Variants in SLC12A7 observed in about 807,000 individuals in gnomAD.
SLC12A7 encodes the protein solute carrier family 12 member 7.
Under a neutral mutation model 120.6 loss-of-function variants are expected in SLC12A7, and 100 were observed. The ratio of observed to expected loss-of-function variants is 0.83; its 90% CI spans 0.71 to 0.98. SLC12A7 has a LOEUF of 0.98. Ranked by LOEUF, SLC12A7 falls within the 50% of genes least tolerant of loss-of-function variation. The probability of loss-of-function intolerance (pLI) is 0.00; values close to 1 mark genes in which losing one functional copy is unlikely to be tolerated. For synonymous variants in SLC12A7, 760 were observed against 678.0 expected (o/e 1.12, Z -1.88); for missense variants, 1,373 against 1,548.1 (o/e 0.89, Z 1.90).
chr5:1,111,981 T>C lies in SLC12A7; in HGVS notation c.11A>G (p.Asn4Ser), dbSNP rs952863568. The change falls in exon 1 of 24, where the codon AAC becomes AGC. Residue 4 changes from asparagine (N) to serine (S), a missense_variant. Asn to Ser is a conservative substitution (Grantham distance 46). Coordinates refer to ENST00000264930, the MANE Select transcript of SLC12A7 (RefSeq NM_006598.3). MPT[N>S]FTVVPVEAHA... ...AGCCTCCACGGGCACCACGGTGAAG[T>C]TGGTGGGCATGGCCGCCTGCAGCCG... 19 of 1,283,180 alleles carry C rather than the reference T, an allele frequency of 1.5e-5. No homozygotes were observed. The highest frequency in any genetic ancestry group is 1.7e-5 in the Non-Finnish European group (17 of 1,015,566). 79.5% of individuals were successfully genotyped at this position (1,283,180 alleles called of 1,614,324 possible). A position where few individuals can be genotyped will look rare whatever the true frequency, so the allele number is the denominator to read the frequency against.
chr5:1,075,964 G>A (rs1260201345), intron 14 of SLC12A7, 174 bp downstream of exon 14: 6 of 593,570 alleles, frequency 1.0e-5, no homozygotes, highest in Non-Finnish European at 1.5e-5. Context: ...CTCCGCAAAG[G>A]AACAGTCAAG....
Position 1,077,824 on chromosome 5 carries a change from G to A in SLC12A7, c.1629+9C>T, listed in dbSNP as rs374546941. 59 of 1,574,510 alleles carry A rather than the reference G, an allele frequency of 3.7e-5. No individual in the cohort carries two copies. Among genetic ancestry groups the A allele is most frequent in the Admixed American group, 5.5e-5 (3 of 54,498 alleles). On this transcript the variant is annotated intron_variant, in intron 12 of 23. Coordinates refer to ENST00000264930, the MANE Select transcript of SLC12A7 (RefSeq NM_006598.3). Reference sequence around the variant, plus strand: ...TCCAGGGTCCCCCCGACGAGGGTGCGGGACTCACCTGCAGGAAGGGGACGA... The same window carrying A: ...TCCAGGGTCCCCCCGACGAGGGTGCAGGACTCACCTGCAGGAAGGGGACGA...
chr5:1,122,107 C>A, the SLC12A7 span, among the ~76,000 whole-genome samples: 1 of 152,194 alleles, frequency 6.6e-6, no homozygotes, highest in Non-Finnish European at 1.5e-5. Context: ...TCCAGAGAGC[C>A]AGACCCTCCA....
Position 1,053,501 on chromosome 5 carries a change from C to T in SLC12A7, c.3027-19G>A, listed in dbSNP as rs200301497. 8.2e-5 allele frequency: 132 copies of T among 1,611,048 alleles called. No individual in the cohort carries two copies. The East Asian group carries it at 1.5e-3, about 18-fold the overall frequency. ...CTGGTCCCTGCAGGGGAGGTGGGCA[C>T]GGTCAGCGGGCGGCGGGTGCACCCC... On this transcript the variant is annotated intron_variant, in intron 22 of 23. Transcript: ENST00000264930.
chr5:1,064,900 C>CGG (rs1479550577), intron 18 of SLC12A7, among the ~76,000 whole-genome samples: 131 of 138,114 alleles, frequency 9.5e-4, no homozygotes, highest in African/African-American at 3.2e-3. Flanking sequence ...GGTGAGGGGA[C>CGG]CGCGAGGGGA....
At chr5:1,122,303 A>T in the SLC12A7 span, among the ~76,000 whole-genome samples, 1 of 152,080 alleles carries the variant, frequency 6.6e-6, no homozygotes, top group Admixed American at 6.5e-5. Flanking sequence ...GGGTGTCAGA[A>T]TCTCACCAGA....
chr5:1,110,701 C>T (rs1742933174), intron 1 of SLC12A7, among the ~76,000 whole-genome samples: 1 of 152,248 alleles, frequency 6.6e-6, no homozygotes, highest in Admixed American at 6.5e-5. Flanking sequence ...GGGGCTTGGA[C>T]TCACGGACCC....
At chr5:1,088,859 G>T in intron 4 of SLC12A7, 123 bp downstream of exon 4, 2 of 1,299,450 alleles carry the variant, frequency 1.5e-6, no homozygotes, top group Non-Finnish European at 1.1e-6. Flanking sequence ...GGGCCCTACT[G>T]TCCGGCTGCC....
Position 1,051,171 on chromosome 5 carries a change from CCTTGAAAG to C in SLC12A7, c.*1181_*1188del, listed in dbSNP as rs1734993957. ...CCAGCCGAAGTGCAAAGTGTTGGGC[CCTTGAAAG>C]CTATCTCTTCAGTGCCACCGCCGCC... is the stretch of plus-strand genomic sequence containing the variant. On this transcript the variant is annotated 3_prime_UTR_variant, in exon 24 of 24. Transcript: ENST00000264930. 5.2e-6 allele frequency: 2 copies of C among 381,410 alleles called. No individual in the cohort carries two copies. The highest frequency in any genetic ancestry group is 1.5e-4 in the South Asian group (1 of 6,856). 23.6% of individuals were successfully genotyped at this position (381,410 alleles called of 1,614,324 possible).
intron 3 of SLC12A7, 63 bp downstream of exon 3, chr5:1,093,470 T>G: frequency 1.1e-5 from 15 of 1,401,256 alleles, no homozygotes; most frequent in Non-Finnish European, 1.3e-5. Flanking sequence ...CTTGCCGGCG[T>G]GATCTAACCC....
chr5:1,074,358 C>T (rs759664905), intron 16 of SLC12A7, among the ~76,000 whole-genome samples: 69 of 152,270 alleles, frequency 4.5e-4, no homozygotes, highest in Non-Finnish European at 7.8e-4. Context: ...GCAGAGGGGC[C>T]GGCTCCCCAC....
chr5:1,130,191 G>A, the SLC12A7 span, among the ~76,000 whole-genome samples: 1 of 152,174 alleles, frequency 6.6e-6, no homozygotes, highest in Admixed American at 6.5e-5. Flanking sequence ...CTCCCGGGCA[G>A]CCCAGGACCC....
At chr5:1,142,112 G>A in the SLC12A7 span, among the ~76,000 whole-genome samples, 1 of 151,190 alleles carries the variant, frequency 6.6e-6, no homozygotes, top group African/African-American at 2.4e-5. Flanking sequence ...GCTGCACTGG[G>A]CCGCAGTCAG....
In SLC12A7 at chr5:1,075,368, T is replaced by C. The variant is rs1738212236; in HGVS notation, c.1967+3A>G. On this transcript the variant is annotated splice_donor_region_variant and intron_variant, in intron 15 of 23. Coordinates refer to ENST00000264930, the MANE Select transcript of SLC12A7 (RefSeq NM_006598.3). ...GTCTGTAAGGGGGGCTGACAGCGCT[T>C]ACCCGCGGTACTCGATGTACTTGTA... 1.9e-6 allele frequency: 3 copies of C among 1,609,382 alleles called. No individual in the cohort carries two copies. The highest frequency in any genetic ancestry group is 2.5e-6 in the Non-Finnish European group (3 of 1,177,340).
chr5:1,056,003 G>A lies in SLC12A7; in HGVS notation c.3026+1468C>T, dbSNP rs140020605. On this transcript the variant is annotated intron_variant, in intron 22 of 23. Transcript: ENST00000264930. ...GAAAACATGGCCCAGGCGGTTACTG[G>A]CGGGGGCAGGCAGGGGACAGAGACG... Among the ~76,000 whole-genome samples, 80 of 152,310 alleles carry A rather than the reference G, an allele frequency of 5.3e-4. 1 individual carries two copies. The East Asian group carries it at 0.011, about 21-fold the overall frequency.
At chr5:1,066,934 G>T in intron 17 of SLC12A7, among the ~76,000 whole-genome samples, 1 of 151,946 alleles carries the variant, frequency 6.6e-6, no homozygotes, top group Non-Finnish European at 1.5e-5. Context: ...CAGCAGCCCC[G>T]GGCCACTCAG....
At chr5:1,092,473 G>A (rs368525329) in intron 3 of SLC12A7, among the ~76,000 whole-genome samples, 10 of 152,304 alleles carry the variant, frequency 6.6e-5, no homozygotes, top group Admixed American at 6.5e-5. Flanking sequence ...GCCTCTACCT[G>A]GCACTACAAA....
At chr5:1,074,896 C>G (rs922408743) in intron 15 of SLC12A7, among the ~76,000 whole-genome samples, 4 of 152,148 alleles carry the variant, frequency 2.6e-5, no homozygotes, top group African/African-American at 9.7e-5. Flanking sequence ...ACGAGGTCTA[C>G]GTCCAGCATG....
Position 1,085,492 on chromosome 5 carries a change from T to A in SLC12A7, c.676-19A>T, listed in dbSNP as rs1480683373. 1 of 1,577,810 alleles carries A rather than the reference T, an allele frequency of 6.3e-7. No homozygotes were observed. The highest frequency in any genetic ancestry group is 1.3e-5 in the African/African-American group (1 of 74,312). On this transcript the variant is annotated intron_variant, in intron 6 of 23. Transcript: ENST00000264930. Reference sequence around the variant, plus strand: ...TGTACGTCTGTGGGAACAAGGCCGGTCGGGAGGCCGTCCCCGGACACAACT... The same window carrying A: ...TGTACGTCTGTGGGAACAAGGCCGGACGGGAGGCCGTCCCCGGACACAACT...
Sources: allele counts gnomAD v4.1 joint callset (sites outside exome capture counted in the v4.1 genomes callset), GRCh38; gene constraint gnomAD v4.1.1; transcripts MANE v1.5; gene names NCBI Gene and HGNC (gene_info 2026-07-23, HGNC 2026-07-21).